Variants in PLCB1 observed in about 807,000 individuals in gnomAD.
PLCB1 encodes the protein phospholipase C beta 1.
Under a neutral mutation model 161.8 loss-of-function variants are expected in PLCB1, and 46 were observed. That is an observed-to-expected ratio of 0.28 (90% CI 0.22 to 0.36). The LOEUF (loss-of-function observed/expected upper bound fraction) is 0.36, where lower values mean the gene tolerates loss of function less well. Ranked by LOEUF, PLCB1 falls within the 10% of genes least tolerant of loss-of-function variation. The pLI is 1.00. For synonymous variants in PLCB1, 517 were observed against 503.7 expected (o/e 1.03, Z -0.35); for missense variants, 1,016 against 1,472.5 (o/e 0.69, Z 5.07).
intron 31 of PLCB1, among the ~76,000 whole-genome samples, chr20:8,875,262 G>A (rs1356997331): frequency 6.7e-6 from 1 of 150,020 alleles, no homozygotes; most frequent in Non-Finnish European, 1.5e-5. Context: ...AAAGGTCTCT[G>A]TACCCCATGA....
chr20:8,631,231 G>A (rs1434263695), intron 4 of PLCB1, among the ~76,000 whole-genome samples: 1 of 152,174 alleles, frequency 6.6e-6, no homozygotes, highest in Non-Finnish European at 1.5e-5. Flanking sequence ...CTGGTCCCAG[G>A]TGATGCTAAT....
chr20:8,261,584 G>A (rs1317637307), intron 2 of PLCB1, among the ~76,000 whole-genome samples: 2 of 152,010 alleles, frequency 1.3e-5, no homozygotes, highest in Non-Finnish European at 2.9e-5. Flanking sequence ...GTTGACCAGG[G>A]GATCTGGGAG....
At chr20:8,540,526 G>A (rs1985268186) in intron 3 of PLCB1, among the ~76,000 whole-genome samples, 1 of 152,130 alleles carries the variant, frequency 6.6e-6, no homozygotes, top group African/African-American at 2.4e-5. Context: ...TGCCCCTTGT[G>A]CCTGTCAGCC....
chr20:8,447,047 T>C (rs1285795380), intron 3 of PLCB1, among the ~76,000 whole-genome samples: 1 of 152,220 alleles, frequency 6.6e-6, no homozygotes, highest in Non-Finnish European at 1.5e-5. Flanking sequence ...TGTGTATAAA[T>C]ATACATATAC....
At chr20:8,853,651 T>C (rs902812176) in intron 31 of PLCB1, among the ~76,000 whole-genome samples, 1 of 152,194 alleles carries the variant, frequency 6.6e-6, no homozygotes, top group Admixed American at 6.5e-5. Context: ...TATGAACACT[T>C]GTACTGGGGG....
intron 3 of PLCB1, among the ~76,000 whole-genome samples, chr20:8,568,324 C>G (rs1986406356): frequency 6.6e-6 from 1 of 152,150 alleles, no homozygotes; most frequent in Admixed American, 6.5e-5. Flanking sequence ...ACTGCGTGGG[C>G]TTTTCTTAAG....
intron 3 of PLCB1, among the ~76,000 whole-genome samples, chr20:8,420,161 A>G (rs1224963090): frequency 6.6e-6 from 1 of 152,158 alleles, no homozygotes; most frequent in African/African-American, 2.4e-5. Context: ...TTCCTGCCCT[A>G]TGAATTGTAA....
intron 3 of PLCB1, among the ~76,000 whole-genome samples, chr20:8,594,333 G>A (rs979003760): frequency 5.3e-5 from 8 of 151,990 alleles, no homozygotes; most frequent in African/African-American, 1.2e-4. Context: ...CTTAGCAATA[G>A]GATTTTTAAG....
At chr20:8,764,536 C>G (rs555633115) in intron 25 of PLCB1, among the ~76,000 whole-genome samples, 1 of 152,188 alleles carries the variant, frequency 6.6e-6, no homozygotes, top group Non-Finnish European at 1.5e-5. Flanking sequence ...CTGGTGCACC[C>G]GTCTCCTGGC....
At chr20:8,794,074 C>G (rs2146228041) in intron 31 of PLCB1, among the ~76,000 whole-genome samples, 1 of 152,378 alleles carries the variant, frequency 6.6e-6, no homozygotes, top group Middle Eastern at 3.4e-3. Flanking sequence ...TTAAGGTTAT[C>G]TCTCTTGTTT....
intron 2 of PLCB1, among the ~76,000 whole-genome samples, chr20:8,170,042 A>G (rs1442955433): frequency 6.6e-6 from 1 of 152,138 alleles, no homozygotes; most frequent in Non-Finnish European, 1.5e-5. Flanking sequence ...AGTTAAGGGT[A>G]CACTGATATA....
chr20:8,404,765 A>G (rs1978712818), intron 3 of PLCB1, among the ~76,000 whole-genome samples: 1 of 152,182 alleles, frequency 6.6e-6, no homozygotes, highest in Non-Finnish European at 1.5e-5. Flanking sequence ...CTTCTTTGCA[A>G]GATATAATCA....
chr20:8,696,398 C>G (rs533409111), intron 10 of PLCB1, among the ~76,000 whole-genome samples: 1 of 152,264 alleles, frequency 6.6e-6, no homozygotes, highest in South Asian at 2.1e-4. Flanking sequence ...GTCTTGATTA[C>G]TGTAGCTTTG....
At chr20:8,838,342 CT>C (rs1986370107) in intron 31 of PLCB1, among the ~76,000 whole-genome samples, 1 of 152,206 alleles carries the variant, frequency 6.6e-6, no homozygotes, top group African/African-American at 2.4e-5. Context: ...CTACTGACCA[CT>C]GGCTCTGAAC....
chr20:8,541,598 A>AAGAAAGAAAGAG (rs1985330853), intron 3 of PLCB1, among the ~76,000 whole-genome samples: 1 of 151,732 alleles, frequency 6.6e-6, no homozygotes, highest in Non-Finnish European at 1.5e-5. Context: ...GAAAGAAAGA[A>AAGAAAGAAAGAG]AGAAAGAAAG....
intron 3 of PLCB1, among the ~76,000 whole-genome samples, chr20:8,480,363 A>G (rs575140494): frequency 6.6e-6 from 1 of 152,346 alleles, no homozygotes; most frequent in East Asian, 1.9e-4. Context: ...AAGGGATAGG[A>G]AGCAAACTTG....
intron 31 of PLCB1, among the ~76,000 whole-genome samples, chr20:8,871,156 T>A (rs904416066): frequency 6.6e-6 from 1 of 152,228 alleles, no homozygotes; most frequent in Non-Finnish European, 1.5e-5. Flanking sequence ...AATCCCTCTA[T>A]TGTAATCTAT....
At chr20:8,619,247 C>T (rs1429912665) in intron 3 of PLCB1, among the ~76,000 whole-genome samples, 4 of 151,816 alleles carry the variant, frequency 2.6e-5, no homozygotes, top group Admixed American at 6.6e-5. Context: ...GGTGAAACCC[C>T]GTCTCTACTA....
chr20:8,542,403 A>C (rs1985372429), intron 3 of PLCB1, among the ~76,000 whole-genome samples: 1 of 152,212 alleles, frequency 6.6e-6, no homozygotes, highest in Non-Finnish European at 1.5e-5. Flanking sequence ...TGTTGCCCCT[A>C]CATCCTCCAC....
Sources: allele counts gnomAD v4.1 joint callset (sites outside exome capture counted in the v4.1 genomes callset), GRCh38; gene constraint gnomAD v4.1.1; transcripts MANE v1.5; gene names NCBI Gene and HGNC (gene_info 2026-07-23, HGNC 2026-07-21).